DTNA: variants seen among roughly 807,000 people sequenced by gnomAD.
DTNA encodes the protein dystrophin-related protein 3.
In DTNA, 43 loss-of-function variants were observed where a neutral mutation model predicts 100.7. That is an observed-to-expected ratio of 0.43 (90% CI 0.33 to 0.55). The LOEUF (loss-of-function observed/expected upper bound fraction) is 0.55. DTNA is among the 20% of genes least tolerant of loss of function. DTNA has a pLI of 0.04. For synonymous variants in DTNA, 349 were observed against 347.9 expected (o/e 1.00, Z -0.04); for missense variants, 798 against 953.9 (o/e 0.84, Z 2.15).
chr18:34,862,834 T>G (rs1603287506), intron 16 of DTNA, among the ~76,000 whole-genome samples: 1 of 152,268 alleles, frequency 6.6e-6, no homozygotes, highest in Admixed American at 6.5e-5. Context: ...AATGTATCAT[T>G]TATATCACTA....
At chr18:34,650,511 C>G (rs2060320780) in intron 1 of DTNA, among the ~76,000 whole-genome samples, 1 of 152,178 alleles carries the variant, frequency 6.6e-6, no homozygotes, top group Non-Finnish European at 1.5e-5. Flanking sequence ...AGATCCTTTC[C>G]TTTTTCGACA....
intron 3 of DTNA, chr18:34,767,417 C>A (rs2093543258): frequency 6.6e-6 from 1 of 152,106 alleles, no homozygotes; most frequent in Non-Finnish European, 1.5e-5. Flanking sequence ...AAAAATGGGG[C>A]TGAAGTTTGG....
intron 3 of DTNA, among the ~76,000 whole-genome samples, chr18:34,771,095 T>C (rs2093743182): frequency 6.6e-6 from 1 of 152,230 alleles, no homozygotes; most frequent in African/African-American, 2.4e-5. Flanking sequence ...TTAACTTCAG[T>C]AAAAATGTTG....
At chr18:34,688,715 T>G (rs1479097387) in intron 1 of DTNA, among the ~76,000 whole-genome samples, 1 of 152,196 alleles carries the variant, frequency 6.6e-6, no homozygotes, top group Non-Finnish European at 1.5e-5. Context: ...GAAGTTCTCC[T>G]GAATAATATC....
chr18:34,820,476 C>G (rs2095687481), intron 8 of DTNA, among the ~76,000 whole-genome samples: 1 of 152,194 alleles, frequency 6.6e-6, no homozygotes, highest in Admixed American at 6.5e-5. Flanking sequence ...GTTGCTGCTT[C>G]CTCCATTCTC....
intron 1 of DTNA, among the ~76,000 whole-genome samples, chr18:34,742,545 C>T (rs1169896484): frequency 6.7e-6 from 1 of 149,962 alleles, no homozygotes; most frequent in Non-Finnish European, 1.5e-5. Flanking sequence ...GATCCTTAAC[C>T]TAATCACATC....
chr18:34,837,836 A>G (rs933920170), intron 11 of DTNA, among the ~76,000 whole-genome samples: 8 of 152,220 alleles, frequency 5.3e-5, no homozygotes, highest in African/African-American at 1.7e-4. Context: ...GACATACTCA[A>G]TATAAATGCT....
intron 2 of DTNA, among the ~76,000 whole-genome samples, chr18:34,762,159 TC>T (rs1380622614): frequency 6.6e-6 from 1 of 152,218 alleles, no homozygotes; most frequent in African/African-American, 2.4e-5. Flanking sequence ...TTAAATTCCA[TC>T]TTTTTAATAG....
intron 8 of DTNA, 58 bp from the exon 9 acceptor site, chr18:34,820,732 TG>T: frequency 6.2e-7 from 1 of 1,610,378 alleles, no homozygotes; most frequent in Non-Finnish European, 8.5e-7. Context: ...GCAAATCATT[TG>T]ATAAAATATT....
At chr18:34,709,485 G>C (rs1302554785), upstream of DTNA, 1 of 152,130 alleles carries the variant, frequency 6.6e-6, no homozygotes, top group Non-Finnish European at 1.5e-5. Context: ...GACTCCTTCA[G>C]CTTTTCCCTA....
rs1321368835 is a variant in DTNA at position 34,654,812 on chromosome 18, C to T, written c.-1-101164C>T. On this transcript the variant is annotated intron_variant, in intron 1 of 19. Coordinates refer to the DTNA transcript ENST00000283365. ...TGCAATCTTGGCTCACTGCAACCTCCGCCTCCTGGGTTCAAGCGATTCTCC... is the reference window on the plus strand; with the variant it reads ...TGCAATCTTGGCTCACTGCAACCTCTGCCTCCTGGGTTCAAGCGATTCTCC... 6.6e-5 allele frequency among the ~76,000 whole-genome samples: 10 copies of T among 152,082 alleles called. No individual in the cohort carries two copies. In the East Asian group the frequency reaches 9.7e-4, roughly 15 times the overall value.
chr18:34,782,812 T>C (rs2094380975), intron 3 of DTNA, among the ~76,000 whole-genome samples: 1 of 152,202 alleles, frequency 6.6e-6, no homozygotes, highest in Admixed American at 6.5e-5. Flanking sequence ...TTTTACTCAA[T>C]AGGCAATGGA....
intron 1 of DTNA, among the ~76,000 whole-genome samples, chr18:34,726,821 C>A (rs954636860): frequency 1.1e-4 from 16 of 152,188 alleles, no homozygotes; most frequent in Admixed American, 1.0e-3. Flanking sequence ...AGGACAGCAA[C>A]CCCCTTCTCA....
At chr18:34,668,131 G>A (rs936559763) in intron 1 of DTNA, among the ~76,000 whole-genome samples, 34 of 152,054 alleles carry the variant, frequency 2.2e-4, no homozygotes, top group Non-Finnish European at 1.9e-4. Flanking sequence ...CAGAGATTCA[G>A]CTTCTTCCTG....
rs1330215174 is a variant in DTNA, at chr18:34,888,181, T to G, written c.*447T>G. ...GATATTGAACCTGTTCAGTTTACAA[T>G]GACAATATTAATACTGTTTATAGCT... On this transcript the variant is annotated 3_prime_UTR_variant, in exon 23 of 23. Coordinates refer to ENST00000444659, the MANE Select transcript of DTNA (RefSeq NM_001386795.1). 41 of 985,774 alleles carry G rather than the reference T, an allele frequency of 4.2e-5. No individual in the cohort carries two copies. The highest frequency in any genetic ancestry group is 4.7e-5 in the Non-Finnish European group (39 of 829,946). The allele number at this position is 985,774 out of a possible 1,614,324, so 61.1% of individuals were successfully genotyped here.
intron 8 of DTNA, among the ~76,000 whole-genome samples, chr18:34,819,952 T>C (rs1458896332): frequency 6.7e-6 from 1 of 149,958 alleles, no homozygotes; most frequent in Non-Finnish European, 1.5e-5. Context: ...GTTTTATTAT[T>C]ATGTTGGTGC....
intron 3 of DTNA, among the ~76,000 whole-genome samples, chr18:34,774,190 A>G (rs951754424): frequency 6.6e-5 from 10 of 152,218 alleles, no homozygotes; most frequent in African/African-American, 2.4e-4. Flanking sequence ...TCCCAACCCT[A>G]TCTAACAGGT....
intron 4 of DTNA, among the ~76,000 whole-genome samples, chr18:34,795,656 G>T (rs2094937329): frequency 6.6e-6 from 1 of 152,130 alleles, no homozygotes; most frequent in South Asian, 2.1e-4. Context: ...AGACTTATTT[G>T]TTAGAAATGT....
intron 1 of DTNA, chr18:34,683,355 T>C (rs1055467802): frequency 2.0e-5 from 3 of 152,340 alleles, no homozygotes; most frequent in East Asian, 1.9e-4. Context: ...GATTCCTTGG[T>C]ATTAAAGTCG....
Sources: allele counts gnomAD v4.1 joint callset (sites outside exome capture counted in the v4.1 genomes callset), GRCh38; gene constraint gnomAD v4.1.1; transcripts MANE v1.5; gene names NCBI Gene and HGNC (gene_info 2026-07-23, HGNC 2026-07-21).